XPOT: variants seen among roughly 807,000 people sequenced by gnomAD.
XPOT encodes exportin for tRNA, also known as exportin-T.
XPOT carries 34 observed loss-of-function variants against 128.2 expected under a neutral mutation model. The ratio of observed to expected loss-of-function variants is 0.27; its 90% CI spans 0.20 to 0.35. The LOEUF is 0.35. Ranked by LOEUF, XPOT falls within the 10% of genes least tolerant of loss-of-function variation. The probability of loss-of-function intolerance (pLI) is 1.00; values close to 1 mark genes in which losing one functional copy is unlikely to be tolerated. For missense variants in XPOT, 838 were observed against 1,125.3 expected, an observed-to-expected ratio of 0.74 and a Z score of 3.65; for synonymous variants, 348 against 394.3, an observed-to-expected ratio of 0.88 and a Z score of 1.39.
chr12:64,406,183 C>T (rs1293269917), intron 1 of XPOT, among the ~76,000 whole-genome samples: 3 of 152,194 alleles, frequency 2.0e-5, no homozygotes, highest in African/African-American at 7.2e-5. Context: ...TCATGCGAGT[C>T]TTCTGCCTCA....
chr12:64,423,086 A>G, intron 10 of XPOT, 43 bp downstream of exon 10: 1 of 1,607,216 alleles, frequency 6.2e-7, no homozygotes. Context: ...ATAGATTTTT[A>G]GTCTGTAATT....
At chr12:64,410,295 G>A (rs1159741618) in intron 2 of XPOT, among the ~76,000 whole-genome samples, 200 bp downstream of exon 2, 1 of 152,160 alleles carries the variant, frequency 6.6e-6, no homozygotes, top group Non-Finnish European at 1.5e-5. Flanking sequence ...CCAAACAAAA[G>A]TATTAAAATC....
chr12:64,405,906 G>A (rs2039976419), intron 1 of XPOT, among the ~76,000 whole-genome samples: 1 of 151,630 alleles, frequency 6.6e-6, no homozygotes, highest in Admixed American at 6.6e-5. Context: ...GTGAGCCACC[G>A]CGCCCGGCCT....
chr12:64,444,990 TA>T (rs374914284), intron 23 of XPOT, 84 bp from the exon 24 acceptor site: 7,682 of 717,716 alleles, frequency 0.011, no homozygotes, highest in Non-Finnish European at 0.012. Context: ...AAAAAAAAAT[TA>T]AAAAAAAAAA....
Position 64,420,469 on chromosome 12 carries a change from T to C in XPOT, c.791T>C (p.Val264Ala). 6.2e-7 allele frequency: 1 copy of C among 1,613,880 alleles called. No homozygotes were observed. Among genetic ancestry groups the C allele is most frequent in the Non-Finnish European group, 8.5e-7 (1 of 1,179,888 alleles). ...GMDPVDKMKL[V>A]ESLCQVLQSA... Reference sequence around the variant, plus strand: ...GACCCTGTTGATAAAATGAAACTAGTGGAATCTTTGTGTCAAGTATTACAG... The same window carrying C: ...GACCCTGTTGATAAAATGAAACTAGCGGAATCTTTGTGTCAAGTATTACAG... The change falls in exon 8 of 25, where the codon GTG becomes GCG. Residue 264 changes from valine (V) to alanine (A), a missense_variant. Val to Ala is a moderately conservative substitution (Grantham distance 64). Transcript: ENST00000332707.
At chr12:64,409,187 T>A (rs1347463498) in intron 1 of XPOT, among the ~76,000 whole-genome samples, 1 of 152,200 alleles carries the variant, frequency 6.6e-6, no homozygotes, top group Non-Finnish European at 1.5e-5. Flanking sequence ...GGTCAGCCAT[T>A]CTAATGTTTT....
chr12:64,447,236 G>T (rs910041652), intron 24 of XPOT, among the ~76,000 whole-genome samples: 5 of 152,156 alleles, frequency 3.3e-5, no homozygotes, highest in African/African-American at 7.2e-5. Context: ...AGATCTGCGT[G>T]GGGACACAGG....
chr12:64,445,202 C>A (rs2040358713), intron 24 of XPOT, 71 bp downstream of exon 24: 4 of 1,174,734 alleles, frequency 3.4e-6, no homozygotes, highest in Non-Finnish European at 3.7e-6. Flanking sequence ...AGAATACATA[C>A]CTGCAATTAT....
intron 2 of XPOT, among the ~76,000 whole-genome samples, chr12:64,413,297 C>G (rs1283360862): frequency 6.6e-6 from 1 of 152,092 alleles, no homozygotes; most frequent in African/African-American, 2.4e-5. Context: ...GAGACAGGGT[C>G]CCACTATGTT....
intron 24 of XPOT, 93 bp from the exon 25 acceptor site, chr12:64,448,012 A>C: frequency 8.8e-7 from 1 of 1,130,046 alleles, no homozygotes; most frequent in East Asian, 2.4e-5. Flanking sequence ...TTACAGAAGA[A>C]CATTGCTAGC....
chr12:64,440,598 G>A (rs1206435408), intron 23 of XPOT, among the ~76,000 whole-genome samples: 1 of 152,120 alleles, frequency 6.6e-6, no homozygotes, highest in African/African-American at 2.4e-5. Context: ...CAGGGTTCCA[G>A]TTTTTCCACA....
chr12:64,414,240 G>A (rs541370920), intron 2 of XPOT, among the ~76,000 whole-genome samples: 2 of 152,282 alleles, frequency 1.3e-5, no homozygotes, highest in South Asian at 4.1e-4. Context: ...CTTGCTCCTT[G>A]TTGGCACTGT....
intron 24 of XPOT, among the ~76,000 whole-genome samples, chr12:64,446,369 G>A (rs564957876): frequency 6.6e-6 from 1 of 152,152 alleles, no homozygotes; most frequent in African/African-American, 2.4e-5. Flanking sequence ...ATTCTAGTTG[G>A]AAAAAATGAA....
In XPOT at chr12:64,424,742, TTGTA is replaced by T; in HGVS notation, c.1307+20_1307+23del. ...CACTGCAGTAAGTTTGTCATTACTT[TTGTA>T]ACAAGCCTACTTCTTTCTTTTGCTC... On this transcript the variant is annotated intron_variant, in intron 12 of 24. Coordinates refer to ENST00000332707, the MANE Select transcript of XPOT (RefSeq NM_007235.6). The T allele has an allele frequency of 6.2e-7, 1 of 1,611,948 alleles. No homozygotes were observed. Among genetic ancestry groups the T allele is most frequent in the Non-Finnish European group, 8.5e-7 (1 of 1,179,362 alleles).
Position 64,440,718 on chromosome 12 carries a change from T to G in XPOT, c.2805+1403T>G, listed in dbSNP as rs534734106. On this transcript the variant is annotated intron_variant, in intron 23 of 24. Transcript: ENST00000332707. The stretch of plus-strand genomic sequence containing the variant: ...TGCATTTCCCTTATGATTAGTGATG[T>G]TTGTTTTTTCATACACCTGTTAACC... 7.5e-4 allele frequency among the ~76,000 whole-genome samples: 113 copies of G among 151,610 alleles called. 1 individual carries two copies. The highest frequency in any genetic ancestry group is 1.2e-3 in the Non-Finnish European group (79 of 68,028).
At chr12:64,419,660 T>C (rs985229220) in intron 6 of XPOT, among the ~76,000 whole-genome samples, 1 of 152,210 alleles carries the variant, frequency 6.6e-6, no homozygotes, top group African/African-American at 2.4e-5. Context: ...GAGTTGATTT[T>C]CTTTTATGAA....
intron 12 of XPOT, 45 bp from the exon 13 acceptor site, chr12:64,424,993 G>T: frequency 6.2e-7 from 1 of 1,608,294 alleles, no homozygotes; most frequent in South Asian, 1.1e-5. Flanking sequence ...TTTGCTGTAT[G>T]AAAAATTTAT....
intron 23 of XPOT, among the ~76,000 whole-genome samples, chr12:64,444,736 C>T (rs1223655840): frequency 6.6e-6 from 1 of 152,042 alleles, no homozygotes; most frequent in African/African-American, 2.4e-5. Flanking sequence ...CAACAGTGTG[C>T]ATGTAGTTAA....
chr12:64,423,846 A>G (rs950940222), intron 11 of XPOT, among the ~76,000 whole-genome samples: 3 of 152,330 alleles, frequency 2.0e-5, no homozygotes, highest in African/African-American at 7.2e-5. Flanking sequence ...TATATTTTGT[A>G]AGAATGATGA....
Sources: allele counts gnomAD v4.1 joint callset (sites outside exome capture counted in the v4.1 genomes callset), GRCh38; gene constraint gnomAD v4.1.1; transcripts MANE v1.5; gene names NCBI Gene and HGNC (gene_info 2026-07-23, HGNC 2026-07-21).